Variants in NDUFV2 observed in about 807,000 individuals in gnomAD.
NDUFV2 encodes the protein NADH:ubiquinone oxidoreductase core subunit V2.
NDUFV2 carries 18 observed loss-of-function variants against 31.6 expected under a neutral mutation model. The ratio of observed to expected loss-of-function variants is 0.57; its 90% CI spans 0.39 to 0.84. The LOEUF is 0.84. Ranked by LOEUF, NDUFV2 falls within the 40% of genes least tolerant of loss-of-function variation. The probability of loss-of-function intolerance (pLI) is 0.00; values close to 1 mark genes in which losing one functional copy is unlikely to be tolerated. For missense variants in NDUFV2, 314 were observed against 303.6 expected, an observed-to-expected ratio of 1.03 and a Z score of -0.26; for synonymous variants, 83 against 99.8, an observed-to-expected ratio of 0.83 and a Z score of 1.01.
At chr18:9,125,905 T>C (rs759848706) in intron 6 of NDUFV2, among the ~76,000 whole-genome samples, 2 of 152,146 alleles carry the variant, frequency 1.3e-5, no homozygotes, top group Non-Finnish European at 2.9e-5. Context: ...TTTACTCTTA[T>C]AATGAGGTTA....
At position 9,119,315 on chromosome 18, in the gene NDUFV2, T is replaced by C. The variant is rs980403318; in HGVS notation, c.121-11T>C. The C allele has an allele frequency of 6.2e-7, 1 of 1,609,540 alleles. No homozygotes were observed. Among genetic ancestry groups the C allele is most frequent in the African/African-American group, 1.3e-5 (1 of 74,958 alleles). On this transcript the variant is annotated splice_polypyrimidine_tract_variant and intron_variant, in intron 2 of 7. Transcript: ENST00000318388. ...TTTGGATAAGTCTGAAAAACTGTTT[T>C]TGTTGTGTAGCACAGAGATACTCCT...
In NDUFV2 at chr18:9,124,907, T is replaced by C. The variant is rs748118531; in HGVS notation, c.503T>C (p.Leu168Pro). 13 of 1,612,918 alleles carry C rather than the reference T, an allele frequency of 8.1e-6. No individual in the cohort carries two copies. Among genetic ancestry groups the C allele is most frequent in the Admixed American group, 5.0e-5 (3 of 59,976 alleles). ...GTTGGGGAGACTACACCTGACAAACTTTTCACTCTTATAGAAGTGGAATGT... is the reference window on the plus strand; with the variant it reads ...GTTGGGGAGACTACACCTGACAAACCTTTCACTCTTATAGAAGTGGAATGT... ...IKVGETTPDK[L>P]FTLIEVECLG... Residue 168 changes from leucine (L) to proline (P), a missense_variant, in exon 6 of 8, where the codon CTT (leucine) becomes CCT (proline). Physicochemically the swap from Leu to Pro is moderately conservative, Grantham distance 98. Transcript: ENST00000318388.
intron 7 of NDUFV2, among the ~76,000 whole-genome samples, chr18:9,133,037 GAT>G (rs1220649103): frequency 6.6e-6 from 1 of 152,036 alleles, no homozygotes; most frequent in African/African-American, 2.4e-5. Context: ...ATAATCCAAA[GAT>G]ATTAACTAAG....
At chr18:9,116,252 C>T (rs2077897329) in intron 1 of NDUFV2, among the ~76,000 whole-genome samples, 1 of 152,152 alleles carries the variant, frequency 6.6e-6, no homozygotes, top group Non-Finnish European at 1.5e-5. Flanking sequence ...GAACTGAGCC[C>T]TGAGGACAGC....
At chr18:9,116,003 G>A (rs1264725945) in intron 1 of NDUFV2, 2 of 152,156 alleles carry the variant, frequency 1.3e-5, no homozygotes, top group Non-Finnish European at 2.9e-5. Flanking sequence ...AAGATACTTG[G>A]TAGTTTGATA....
intron 1 of NDUFV2, among the ~76,000 whole-genome samples, chr18:9,116,896 G>A (rs1241781871): frequency 6.6e-6 from 1 of 152,136 alleles, no homozygotes; most frequent in Non-Finnish European, 1.5e-5. Flanking sequence ...AAATACTTGG[G>A]GGCGGGGGAC....
chr18:9,124,975 A>G lies in NDUFV2; in HGVS notation c.571A>G (p.Asn191Asp). 6.2e-7 allele frequency: 1 copy of G among 1,613,460 alleles called. No individual in the cohort carries two copies. The highest frequency in any genetic ancestry group is 8.5e-7 in the Non-Finnish European group (1 of 1,179,546). Residue 191 changes from asparagine (N) to aspartate (D), a missense_variant, in exon 6 of 8, where the codon AAT becomes GAT. Physicochemically the swap from Asn to Asp is conservative, Grantham distance 23. Coordinates refer to ENST00000318388, the MANE Select transcript of NDUFV2 (RefSeq NM_021074.5). ...VNAPMVQIND[N>D]YYEDLTAKDI... The stretch of plus-strand genomic sequence containing the variant: ...CGCACCAATGGTTCAAATAAATGAC[A>G]ATTACTATGTGAGTATTTCAGGTAA...
intron 7 of NDUFV2, 50 bp downstream of exon 7, chr18:9,126,957 C>G (rs2077996637): frequency 7.0e-7 from 1 of 1,437,266 alleles, no homozygotes; most frequent in Non-Finnish European, 9.8e-7. Flanking sequence ...CTAAATTAAT[C>G]TTTCAGATAA....
intron 6 of NDUFV2, 173 bp from the exon 7 acceptor site, chr18:9,126,658 T>C: frequency 3.4e-6 from 2 of 592,986 alleles, no homozygotes; most frequent in East Asian, 3.1e-5. Context: ...TTTTGTGCCA[T>C]GCGTGGTGGT....
At chr18:9,130,386 G>A (rs1029639495) in intron 7 of NDUFV2, among the ~76,000 whole-genome samples, 1 of 152,108 alleles carries the variant, frequency 6.6e-6, no homozygotes, top group Non-Finnish European at 1.5e-5. Context: ...CAGTGTTCTG[G>A]ATTTGAGCCA....
chr18:9,111,774 C>T (rs558882216), intron 1 of NDUFV2, among the ~76,000 whole-genome samples: 1 of 151,760 alleles, frequency 6.6e-6, no homozygotes, highest in South Asian at 2.1e-4. Context: ...GAAGTACATG[C>T]CGTTATTTTT....
chr18:9,107,799 AG>A (rs1232975007), intron 1 of NDUFV2, among the ~76,000 whole-genome samples: 1 of 152,192 alleles, frequency 6.6e-6, no homozygotes, highest in Non-Finnish European at 1.5e-5. Flanking sequence ...CACTTTGCTT[AG>A]GGAAAAGAGA....
intron 1 of NDUFV2, chr18:9,104,171 C>A: frequency 6.2e-7 from 1 of 1,612,674 alleles, no homozygotes; most frequent in Non-Finnish European, 8.5e-7. Flanking sequence ...AACTTAAAGT[C>A]TTGTTGGCAA....
chr18:9,122,974 T>C (rs554215328), intron 5 of NDUFV2, among the ~76,000 whole-genome samples: 4 of 151,754 alleles, frequency 2.6e-5, no homozygotes, highest in South Asian at 2.1e-4. Flanking sequence ...ACTTAGAAAA[T>C]TGTTTCACTT....
At chr18:9,124,534 C>T (rs184230602) in intron 5 of NDUFV2, among the ~76,000 whole-genome samples, 14 of 151,132 alleles carry the variant, frequency 9.3e-5, no homozygotes, top group African/African-American at 3.2e-4. Flanking sequence ...CTGCAAGCTC[C>T]GCCTCCTGGG....
intron 1 of NDUFV2, among the ~76,000 whole-genome samples, chr18:9,116,765 C>A (rs921410672): frequency 6.6e-6 from 1 of 152,152 alleles, no homozygotes; most frequent in Non-Finnish European, 1.5e-5. Context: ...TTACTTTCTT[C>A]TATGTTTGCC....
At chr18:9,126,452 C>G (rs1249575447) in intron 6 of NDUFV2, among the ~76,000 whole-genome samples, 2 of 152,210 alleles carry the variant, frequency 1.3e-5, no homozygotes, top group Non-Finnish European at 2.9e-5. Flanking sequence ...AACTCAAATG[C>G]AAATATGTTT....
intron 4 of NDUFV2, among the ~76,000 whole-genome samples, chr18:9,120,565 G>T (rs1349485583): frequency 6.6e-6 from 1 of 152,148 alleles, no homozygotes; most frequent in African/African-American, 2.4e-5. Flanking sequence ...TCATCTTTCT[G>T]AGAGAATAGG....
At chr18:9,131,671 T>G (rs550832062) in intron 7 of NDUFV2, among the ~76,000 whole-genome samples, 6 of 152,344 alleles carry the variant, frequency 3.9e-5, no homozygotes, top group African/African-American at 1.4e-4. Context: ...GTAAAGTACT[T>G]TAAGCCATGA....
Sources: allele counts gnomAD v4.1 joint callset (sites outside exome capture counted in the v4.1 genomes callset), GRCh38; gene constraint gnomAD v4.1.1; transcripts MANE v1.5; gene names NCBI Gene and HGNC (gene_info 2026-07-23, HGNC 2026-07-21).